Variants in DNAJC3 observed in about 807,000 individuals in gnomAD.
DNAJC3 encodes the protein DnaJ heat shock protein family (Hsp40) member C3.
A neutral mutation model predicts 68.6 loss-of-function variants in DNAJC3; 38 were observed. The ratio of observed to expected loss-of-function variants is 0.55; its 90% confidence interval spans 0.43 to 0.73. DNAJC3 has a LOEUF of 0.73. Among genes scored for constraint, DNAJC3 ranks in the 30% least tolerant of loss-of-function variants. The probability of loss-of-function intolerance (pLI) is 0.00; values close to 1 mark genes in which losing one functional copy is unlikely to be tolerated. For missense variants in DNAJC3, 526 were observed against 591.9 expected (o/e 0.89, Z 1.16); for synonymous variants, 203 against 204.0 (o/e 1.00, Z 0.04).
intron 2 of DNAJC3, among the ~76,000 whole-genome samples, chr13:95,722,119 G>A (rs1273563853): frequency 6.6e-6 from 1 of 152,200 alleles, no homozygotes; most frequent in Non-Finnish European, 1.5e-5. Context: ...TTCTGCAGCA[G>A]ATTTGCTTCT....
rs149710283 is a variant in DNAJC3, at chr13:95,679,657, ATAGG to A, written c.82+2326_82+2329del. On this transcript the variant is annotated intron_variant, in intron 1 of 11. Coordinates refer to ENST00000602402, the MANE Select transcript of DNAJC3 (RefSeq NM_006260.5). ...GTGTTGTATTAAGGATTTTTGTTAAATAGGTAGGTTTTAGCTGCTCTTGTCACAC... is the reference window on the plus strand; with the variant it reads ...GTGTTGTATTAAGGATTTTTGTTAAATAGGTTTTAGCTGCTCTTGTCACAC... 8.9e-3 allele frequency among the ~76,000 whole-genome samples: 1,353 copies of A among 152,280 alleles called. 20 individuals are homozygous for A. Among genetic ancestry groups the A allele is most frequent in the African/African-American group, 0.031 (1,282 of 41,544 alleles).
At position 95,787,175 on chromosome 13, in the gene DNAJC3, C is replaced by T. The variant is rs763461583; in HGVS notation, c.1357+20C>T. Reference sequence around the variant, plus strand: ...ATCCAGGTATTATTAGCTTTTATTCCTTTGACTCATCCTAGAGGTGGTGTT... The same window carrying T: ...ATCCAGGTATTATTAGCTTTTATTCTTTTGACTCATCCTAGAGGTGGTGTT... On this transcript the variant is annotated intron_variant, in intron 11 of 11. Coordinates refer to ENST00000602402, the MANE Select transcript of DNAJC3 (RefSeq NM_006260.5). The T allele has an allele frequency of 6.2e-7, 1 of 1,605,314 alleles. No homozygotes were observed. The highest frequency in any genetic ancestry group is 1.3e-5 in the African/African-American group (1 of 74,266).
At chr13:95,766,533 G>A (rs1329286445) in intron 9 of DNAJC3, among the ~76,000 whole-genome samples, 1 of 152,180 alleles carries the variant, frequency 6.6e-6, no homozygotes, top group African/African-American at 2.4e-5. Context: ...TGTGAGGGCA[G>A]AGACCTGTGG....
intron 9 of DNAJC3, among the ~76,000 whole-genome samples, chr13:95,782,370 A>G (rs754187744): frequency 1.3e-5 from 2 of 152,166 alleles, no homozygotes; most frequent in Non-Finnish European, 2.9e-5. Flanking sequence ...ATCCTTGAGG[A>G]ATCACCACAC....
chr13:95,766,192 G>T (rs1227292413), intron 9 of DNAJC3, among the ~76,000 whole-genome samples: 1 of 152,100 alleles, frequency 6.6e-6, no homozygotes, highest in Non-Finnish European at 1.5e-5. Context: ...AGTGATGGCA[G>T]GTACATAATA....
intron 9 of DNAJC3, among the ~76,000 whole-genome samples, chr13:95,782,740 A>T (rs918715153): frequency 6.6e-6 from 1 of 151,910 alleles, no homozygotes; most frequent in South Asian, 2.1e-4. Context: ...TCTCCCATTC[A>T]TGGCAACAAA....
intron 1 of DNAJC3, among the ~76,000 whole-genome samples, chr13:95,682,957 A>G (rs1213798021): frequency 2.6e-5 from 4 of 152,246 alleles, no homozygotes; most frequent in Non-Finnish European, 5.9e-5. Flanking sequence ...ATTAGGTGAT[A>G]CAAAGAAGAA....
intron 1 of DNAJC3, among the ~76,000 whole-genome samples, chr13:95,708,456 T>A (rs1248085068): frequency 6.6e-6 from 1 of 152,222 alleles, no homozygotes; most frequent in Non-Finnish European, 1.5e-5. Flanking sequence ...TTGGCTCTGC[T>A]GCAGCCATCC....
At chr13:95,737,737 T>A (rs1401327038) in intron 4 of DNAJC3, among the ~76,000 whole-genome samples, 26 of 147,862 alleles carry the variant, frequency 1.8e-4, no homozygotes, top group African/African-American at 6.8e-4. Flanking sequence ...GTCTTGCTAG[T>A]GGTCTATCAA....
chr13:95,689,206 G>A (rs186881278), intron 1 of DNAJC3, among the ~76,000 whole-genome samples: 521 of 150,720 alleles, frequency 3.5e-3, no homozygotes, highest in Non-Finnish European at 6.4e-3. Flanking sequence ...GTAAAAATTG[G>A]CTGTAAAAAA....
chr13:95,725,173 T>TC lies in DNAJC3; in HGVS notation c.319-4dup. The TC allele has an allele frequency of 6.4e-7, 1 of 1,554,758 alleles. No individual in the cohort carries two copies. ...AAGATAATCCTCTGCCCCCTTTTTT[T>TC]CTAGGCAAGATTACAGAGAGGTCAC... is the stretch of plus-strand genomic sequence containing the variant. On this transcript the variant is annotated splice_polypyrimidine_tract_variant and splice_region_variant and intron_variant, in intron 3 of 11. Coordinates refer to ENST00000602402, the MANE Select transcript of DNAJC3 (RefSeq NM_006260.5).
chr13:95,746,223 A>G (rs138259653), intron 4 of DNAJC3, among the ~76,000 whole-genome samples: 14 of 152,368 alleles, frequency 9.2e-5, no homozygotes, highest in South Asian at 2.1e-4. Context: ...TACAAAGTGC[A>G]GAATAGGATA....
At chr13:95,716,254 A>G (rs1035960741) in intron 2 of DNAJC3, among the ~76,000 whole-genome samples, 5 of 152,214 alleles carry the variant, frequency 3.3e-5, no homozygotes, top group African/African-American at 1.2e-4. Context: ...GGCGTGCAAC[A>G]GGGTTGTGGC....
intron 1 of DNAJC3, among the ~76,000 whole-genome samples, chr13:95,700,227 A>C (rs866553697): frequency 6.6e-6 from 1 of 152,180 alleles, no homozygotes; most frequent in Non-Finnish European, 1.5e-5. Flanking sequence ...CTGGGATTAC[A>C]GGTCTGCATC....
At chr13:95,740,478 G>T (rs1882096945) in intron 4 of DNAJC3, among the ~76,000 whole-genome samples, 1 of 152,182 alleles carries the variant, frequency 6.6e-6, no homozygotes, top group Non-Finnish European at 1.5e-5. Context: ...GTGGGCGTAG[G>T]ACCCTCCGAG....
In DNAJC3 at chr13:95,791,127, A is replaced by G; in HGVS notation, c.*97A>G. The G allele has an allele frequency of 7.0e-7, 1 of 1,426,018 alleles. No homozygotes were observed. The highest frequency in any genetic ancestry group is 9.6e-7 in the Non-Finnish European group (1 of 1,038,260). 88.3% of individuals were successfully genotyped at this position (1,426,018 alleles called of 1,614,324 possible). A position where few individuals can be genotyped will look rare whatever the true frequency, so the allele number is the denominator to read the frequency against. On this transcript the variant is annotated 3_prime_UTR_variant, in exon 12 of 12. Transcript: ENST00000602402. The stretch of plus-strand genomic sequence containing the variant: ...ATGAAAAAAAATTTCAAATCTTTTC[A>G]GTTTGTCCATGACCAAAGAGTTGCT...
At chr13:95,687,742 G>A (rs2139600934) in intron 1 of DNAJC3, among the ~76,000 whole-genome samples, 1 of 152,262 alleles carries the variant, frequency 6.6e-6, no homozygotes, top group East Asian at 1.9e-4. Context: ...GCTAAGGATT[G>A]CTTTGGCTAT....
At chr13:95,765,172 A>G (rs996149196) in intron 9 of DNAJC3, among the ~76,000 whole-genome samples, 2 of 152,098 alleles carry the variant, frequency 1.3e-5, no homozygotes, top group Non-Finnish European at 2.9e-5. Context: ...ACACTTTAAT[A>G]TTTATAAGCA....
At chr13:95,765,577 T>G (rs1189502361) in intron 9 of DNAJC3, among the ~76,000 whole-genome samples, 4 of 149,366 alleles carry the variant, frequency 2.7e-5, no homozygotes, top group Non-Finnish European at 4.5e-5. Context: ...GTTTTTTTTT[T>G]TTTTTTTTTT....
Sources: allele counts gnomAD v4.1 joint callset (sites outside exome capture counted in the v4.1 genomes callset), GRCh38; gene constraint gnomAD v4.1.1; transcripts MANE v1.5; gene names NCBI Gene and HGNC (gene_info 2026-07-23, HGNC 2026-07-21).